VIPR2: variants seen among roughly 807,000 people sequenced by gnomAD.
VIPR2 encodes vasoactive intestinal peptide receptor 2, also known as vasoactive intestinal polypeptide receptor 2.
Under a neutral mutation model 58.0 loss-of-function variants are expected in VIPR2, and 48 were observed. The observed-to-expected ratio is 0.83, with a 90% CI of 0.66 to 1.05. The LOEUF is 1.05. Among genes scored for constraint, VIPR2 ranks in the 50% least tolerant of loss-of-function variants. VIPR2 has a pLI of 0.00. For missense variants in VIPR2, 534 were observed against 558.0 expected, an observed-to-expected ratio of 0.96 and a Z score of 0.43; for synonymous variants, 243 against 235.2, an observed-to-expected ratio of 1.03 and a Z score of -0.30.
chr7:159,139,182 G>A (rs1343316192), intron 2 of VIPR2, among the ~76,000 whole-genome samples: 4 of 152,318 alleles, frequency 2.6e-5, no homozygotes, highest in African/African-American at 9.6e-5. Context: ...GAGGATGTTT[G>A]TATAGCAAAC....
chr7:159,083,082 T>C (rs1336781338), intron 4 of VIPR2, among the ~76,000 whole-genome samples: 1 of 152,182 alleles, frequency 6.6e-6, no homozygotes, highest in African/African-American at 2.4e-5. Context: ...CCCCCAAGTC[T>C]TCCTGAACCA....
chr7:159,103,255 C>T (rs1227220702), intron 4 of VIPR2, among the ~76,000 whole-genome samples: 1 of 152,204 alleles, frequency 6.6e-6, no homozygotes, highest in Non-Finnish European at 1.5e-5. Context: ...ACCCCTGCTC[C>T]CAGACACCTC....
At chr7:159,039,179 C>A (rs576240852) in intron 6 of VIPR2, among the ~76,000 whole-genome samples, 5 of 152,322 alleles carry the variant, frequency 3.3e-5, no homozygotes, top group Non-Finnish European at 5.9e-5. Flanking sequence ...ACACATGCAG[C>A]CGGGTGCAGT....
At position 159,031,920 on chromosome 7, in the gene VIPR2, C is replaced by T; in HGVS notation, c.1101+18G>A. The T allele has an allele frequency of 6.2e-7, 1 of 1,614,142 alleles. No individual in the cohort carries two copies. ...AGGACCCGCGCTCGGGGGAGGGCGG[C>T]CGCCTCCGCACACCTACCTGGAACG... On this transcript the variant is annotated intron_variant, in intron 11 of 12. Transcript: ENST00000262178. The surrounding 1 kb of genome is among the most constrained non-coding windows in gnomAD (Gnocchi z 4.0).
At chr7:159,140,912 G>C (rs1797439612) in intron 2 of VIPR2, among the ~76,000 whole-genome samples, 1 of 151,938 alleles carries the variant, frequency 6.6e-6, no homozygotes, top group South Asian at 2.1e-4. Flanking sequence ...AGAGCCATCA[G>C]ATGGCTCCAG....
At chr7:159,144,534 C>T in intron 1 of VIPR2, 187 bp downstream of exon 1, 1 of 1,509,630 alleles carries the variant, frequency 6.6e-7, no homozygotes, top group Non-Finnish European at 8.9e-7. Flanking sequence ...CCGGCGGGAC[C>T]GGAGCTCAGC....
chr7:159,130,589 G>A (rs1335548112), intron 2 of VIPR2, among the ~76,000 whole-genome samples: 1 of 151,816 alleles, frequency 6.6e-6, no homozygotes, highest in Non-Finnish European at 1.5e-5. Context: ...CAGCCAATCA[G>A]CAGCAAGCAC....
At chr7:159,138,042 G>T (rs1389605265) in intron 2 of VIPR2, among the ~76,000 whole-genome samples, 1 of 152,210 alleles carries the variant, frequency 6.6e-6, no homozygotes, top group Non-Finnish European at 1.5e-5. Context: ...TAGTTTCTTA[G>T]AACAGGTCTG....
chr7:159,100,265 C>A (rs1858125026), intron 4 of VIPR2, among the ~76,000 whole-genome samples: 1 of 152,212 alleles, frequency 6.6e-6, no homozygotes, highest in South Asian at 2.1e-4. Context: ...CTCCCCTAAG[C>A]CTCAGCTTCT....
In VIPR2 at chr7:159,031,730, G is replaced by A; in HGVS notation, c.1143+98C>T. ...TCCCGGGCAGTAACTCGAGCCCGCG[G>A]AAGACAGGCATGTGTGGGGGCTGCG... is the stretch of plus-strand genomic sequence containing the variant. On this transcript the variant is annotated intron_variant, in intron 12 of 12. Coordinates refer to ENST00000262178, the MANE Select transcript of VIPR2 (RefSeq NM_003382.5). The surrounding 1 kb of genome is among the most constrained non-coding windows in gnomAD (Gnocchi z 4.0). 6.2e-7 allele frequency: 1 copy of A among 1,601,876 alleles called. No individual in the cohort carries two copies. The highest frequency in any genetic ancestry group is 1.1e-5 in the South Asian group (1 of 90,052).
At chr7:159,137,287 C>CATAAAGAA (rs529130667) in intron 2 of VIPR2, among the ~76,000 whole-genome samples, 19,050 of 152,168 alleles carry the variant, frequency 0.13, 1,260 homozygotes, top group East Asian at 0.16. Flanking sequence ...AACCATAATT[C>CATAAAGAA]CCTTTATGAT....
intron 2 of VIPR2, among the ~76,000 whole-genome samples, chr7:159,114,419 C>T (rs1043442153): frequency 4.6e-5 from 7 of 151,888 alleles, no homozygotes; most frequent in Admixed American, 2.6e-4. Context: ...CAAAAGTGCT[C>T]GGATAAGGCA....
At chr7:159,136,462 C>T (rs1321189975) in intron 2 of VIPR2, among the ~76,000 whole-genome samples, 4 of 152,094 alleles carry the variant, frequency 2.6e-5, no homozygotes, top group South Asian at 4.1e-4. Context: ...ATGTGAGAGT[C>T]GAAGCCACCA....
intron 1 of VIPR2, 190 bp downstream of exon 1, chr7:159,144,531 G>T (rs1288487307): frequency 6.6e-7 from 1 of 1,517,158 alleles, no homozygotes. Flanking sequence ...AACCCGGCGG[G>T]ACCGGAGCTC....
intron 2 of VIPR2, among the ~76,000 whole-genome samples, chr7:159,119,224 C>T (rs779331742): frequency 6.6e-6 from 1 of 152,192 alleles, no homozygotes; most frequent in Non-Finnish European, 1.5e-5. Flanking sequence ...GGGGCCCAGG[C>T]ATGCAGGGGT....
At chr7:159,063,877 G>GA (rs1855905727) in intron 4 of VIPR2, among the ~76,000 whole-genome samples, 1 of 125,546 alleles carries the variant, frequency 8.0e-6, no homozygotes, top group Non-Finnish European at 1.7e-5. Context: ...GGTCCTGGTG[G>GA]GGTCTGGGGG....
rs143405207 is a variant in VIPR2 at position 159,034,599 on chromosome 7, C to A, written c.861G>T (p.Pro287=). The part of the protein sequence containing the change: ...HSVPWWVIRI[P]ILISIIVNFV... ...TACTTACGATGATGGAAATTAAAAT[C>A]GGTATTCGTATGACCCACCAGGGCA... The change falls in exon 9 of 13, where the codon CCG becomes CCT. Residue 287 remains proline (P), a synonymous_variant. Transcript: ENST00000262178. 5.0e-6 allele frequency: 8 copies of A among 1,613,800 alleles called. No homozygotes were observed. The highest frequency in any genetic ancestry group is 4.0e-5 in the African/African-American group (3 of 75,034).
At chr7:159,088,081 G>A (rs1333555510) in intron 4 of VIPR2, among the ~76,000 whole-genome samples, 2 of 152,218 alleles carry the variant, frequency 1.3e-5, no homozygotes, top group Non-Finnish European at 2.9e-5. Flanking sequence ...GAGCCTGAGG[G>A]TCTTTTACAG....
At chr7:159,101,808 C>G (rs56097167) in intron 4 of VIPR2, among the ~76,000 whole-genome samples, 27 of 104,864 alleles carry the variant, frequency 2.6e-4, no homozygotes, top group African/African-American at 3.5e-4. Flanking sequence ...CCGACGAGGC[C>G]GTTCCCCCGA....
Sources: allele counts gnomAD v4.1 joint callset (sites outside exome capture counted in the v4.1 genomes callset), GRCh38; gene constraint gnomAD v4.1.1; non-coding constraint Gnocchi (gnomAD v3.1); transcripts MANE v1.5; gene names NCBI Gene and HGNC (gene_info 2026-07-23, HGNC 2026-07-21).